The following FRMD3 variants were observed in gnomAD, a reference collection of about 807,000 sequenced individuals.
FRMD3 encodes the protein FERM domain-containing protein 3.
FRMD3 carries 33 observed loss-of-function variants against 70.2 expected under a neutral mutation model. The observed-to-expected ratio is 0.47, with a 90% CI of 0.36 to 0.63. The LOEUF is 0.63. Among genes scored for constraint, FRMD3 ranks in the 20% least tolerant of loss-of-function variants. The pLI, the probability that FRMD3 is intolerant of heterozygous loss-of-function variation, is 0.00. For synonymous variants in FRMD3, 279 were observed against 255.9 expected, an observed-to-expected ratio of 1.09 and a Z score of -0.86; for missense variants, 632 against 711.4, an observed-to-expected ratio of 0.89 and a Z score of 1.27.
chr9:83,247,216 G>A lies in FRMD3; in HGVS notation c.*702C>T, dbSNP rs1832147399. On this transcript the variant is annotated 3_prime_UTR_variant, in exon 14 of 14. Transcript: ENST00000304195. ...GTTTTAGCAGCTTACTTACTATAGT[G>A]TCTTTCTACCCATTTTCTATCTCCT... 1 of 985,092 alleles carries A rather than the reference G, an allele frequency of 1.0e-6. No homozygotes were observed. The highest frequency in any genetic ancestry group is 1.2e-6 in the Non-Finnish European group (1 of 829,862). The allele number at this position is 985,092 out of a possible 1,614,324, so 61.0% of individuals were successfully genotyped here.
rs1367621035 is a variant in FRMD3, at chr9:83,310,923, T to C, written c.774-375A>G. Among the ~76,000 whole-genome samples the C allele has an allele frequency of 1.1e-4, 17 of 152,336 alleles. No homozygotes were observed. The East Asian group carries it at 3.3e-3, about 29-fold the overall frequency. On this transcript the variant is annotated intron_variant, in intron 8 of 13. Coordinates refer to ENST00000304195, the MANE Select transcript of FRMD3 (RefSeq NM_174938.6). Reference sequence around the variant, plus strand: ...TTAATGAAATGATGCGGATTCACAGTATCTGACTTTCTCCTCCTTCTGCAT... The same window carrying C: ...TTAATGAAATGATGCGGATTCACAGCATCTGACTTTCTCCTCCTTCTGCAT...
chr9:83,525,475 T>C (rs1245461209), intron 1 of FRMD3, among the ~76,000 whole-genome samples: 1 of 152,214 alleles, frequency 6.6e-6, no homozygotes, highest in Non-Finnish European at 1.5e-5. Context: ...ATCTGAGATA[T>C]AAATAAATAC....
Position 83,507,736 on chromosome 9 carries a change from A to ATATATATCTATCTATCTATC in FRMD3, c.147+30348_147+30349insGATAGATAGATAGATATATA, listed in dbSNP as rs1554713917. The stretch of plus-strand genomic sequence containing the variant: ...TATATATATATATATATATATATAT[A>ATATATATCTATCTATCTATC]TATCTTCTGGAATATTTCCTGAAGG... On this transcript the variant is annotated intron_variant, in intron 1 of 13. Coordinates refer to ENST00000304195, the MANE Select transcript of FRMD3 (RefSeq NM_174938.6). 6.8e-5 allele frequency among the ~76,000 whole-genome samples: 6 copies of ATATATATCTATCTATCTATC among 88,696 alleles called. 1 individual carries two copies. Among genetic ancestry groups the ATATATATCTATCTATCTATC allele is most frequent in the Non-Finnish European group, 1.4e-4 (6 of 42,252 alleles). The allele number at this position is 88,696 out of a possible 152,430, so 58.2% of individuals were successfully genotyped here.
chr9:83,311,946 T>A lies in FRMD3; in HGVS notation c.714A>T (p.Gly238=). 6.2e-7 allele frequency: 1 copy of A among 1,604,314 alleles called. No individual in the cohort carries two copies. The highest frequency in any genetic ancestry group is 8.5e-7 in the Non-Finnish European group (1 of 1,176,732). ...KDSTGTTTFL[G]FTAAGFVVFQ... ...AGACCACAAAGCCTGCAGCTGTGAA[T>A]CCTAAAAATGTTGTTGTGCCTGTTG... The change falls in exon 8 of 14, where the codon GGA becomes GGT. Residue 238 remains glycine, a synonymous_variant. Transcript: ENST00000304195.
chr9:83,406,452 A>C (rs1324935739), intron 1 of FRMD3, among the ~76,000 whole-genome samples: 4 of 152,234 alleles, frequency 2.6e-5, no homozygotes, highest in Non-Finnish European at 5.9e-5. Context: ...GTGCACACAA[A>C]GAAAAACAGC....
In FRMD3 at chr9:83,519,190, T is replaced by C. The variant is rs550090296; in HGVS notation, c.147+18895A>G. On this transcript the variant is annotated intron_variant, in intron 1 of 13. Transcript: ENST00000304195. Reference sequence around the variant, plus strand: ...TTCTGCATAGCAAAAGAAACTATCATCAGAGTGAACAGGCAACCTACAGAA... The same window carrying C: ...TTCTGCATAGCAAAAGAAACTATCACCAGAGTGAACAGGCAACCTACAGAA... 2.6e-5 allele frequency among the ~76,000 whole-genome samples: 4 copies of C among 152,096 alleles called. No individual in the cohort carries two copies. The East Asian group carries it at 7.7e-4, about 29-fold the overall frequency.
the FRMD3 span, among the ~76,000 whole-genome samples, chr9:83,575,902 T>C: frequency 1.6e-4 from 24 of 152,204 alleles, no homozygotes; most frequent in South Asian, 8.3e-4. Flanking sequence ...ACTAATTCTA[T>C]TGGGCCAGCA....
Position 83,246,853 on chromosome 9 carries a change from G to T in FRMD3, c.*1065C>A. The T allele has an allele frequency of 2.0e-6, 2 of 985,274 alleles. No homozygotes were observed. Among genetic ancestry groups the T allele is most frequent in the East Asian group, 2.3e-4 (2 of 8,806 alleles). The allele number at this position is 985,274 out of a possible 1,614,324, so 61.0% of individuals were successfully genotyped here. A position where few individuals can be genotyped will look rare whatever the true frequency, so the allele number is the denominator to read the frequency against. Reference sequence around the variant, plus strand: ...TGCACTGCTCTTCACATCATCGAACGCTGGCATCACCATCACTTTCATAAA... The same window carrying T: ...TGCACTGCTCTTCACATCATCGAACTCTGGCATCACCATCACTTTCATAAA... On this transcript the variant is annotated 3_prime_UTR_variant, in exon 14 of 14. Transcript: ENST00000304195.
chr9:83,467,643 C>T, intron 1 of FRMD3: 1 of 1,534,654 alleles, frequency 6.5e-7, no homozygotes, highest in East Asian at 2.4e-5. Flanking sequence ...AAGCAGGTCT[C>T]CTTGTGCCTT....
intron 13 of FRMD3, among the ~76,000 whole-genome samples, chr9:83,266,315 C>G (rs1017561594): frequency 6.6e-6 from 1 of 152,204 alleles, no homozygotes; most frequent in Non-Finnish European, 1.5e-5. Context: ...AAGTCAGTTT[C>G]ACACATGTGC....
chr9:83,490,798 T>TCTCTCTCTCA (rs752047493), intron 1 of FRMD3, among the ~76,000 whole-genome samples: 3 of 110,786 alleles, frequency 2.7e-5, no homozygotes, highest in Admixed American at 9.8e-5. Flanking sequence ...TCTCTCTCTC[T>TCTCTCTCTCA]CACACACACA....
intron 1 of FRMD3, among the ~76,000 whole-genome samples, chr9:83,440,354 T>A (rs533222657): frequency 6.6e-6 from 1 of 152,220 alleles, no homozygotes; most frequent in Admixed American, 6.5e-5. Context: ...GTAGTCCCTA[T>A]AATCCAATGT....
chr9:83,520,221 C>G (rs1034563600), intron 1 of FRMD3, among the ~76,000 whole-genome samples: 1 of 152,122 alleles, frequency 6.6e-6, no homozygotes, highest in East Asian at 1.9e-4. Flanking sequence ...AATTCCTTCC[C>G]CCCCTGGACT....
chr9:83,354,249 A>ATGCCCAT (rs1274384762), intron 3 of FRMD3, among the ~76,000 whole-genome samples: 1 of 150,056 alleles, frequency 6.7e-6, no homozygotes, highest in Non-Finnish European at 1.5e-5. Flanking sequence ...TATGGAATCA[A>ATGCCCAT]CCTAAGTGCC....
At chr9:83,555,944 TC>T in the FRMD3 span, among the ~76,000 whole-genome samples, 2 of 152,170 alleles carry the variant, frequency 1.3e-5, no homozygotes, top group Non-Finnish European at 2.9e-5. Flanking sequence ...CTAGGGAGGA[TC>T]CCCTGGCTCC....
At chr9:83,421,883 A>G (rs567999972) in intron 1 of FRMD3, among the ~76,000 whole-genome samples, 157 of 152,306 alleles carry the variant, frequency 1.0e-3, no homozygotes, top group Admixed American at 2.0e-3. Context: ...CAATTCACAC[A>G]TGCTAATGGA....
At chr9:83,477,215 G>C (rs117696586) in intron 1 of FRMD3, among the ~76,000 whole-genome samples, 1 of 152,144 alleles carries the variant, frequency 6.6e-6, no homozygotes, top group South Asian at 2.1e-4. Context: ...GAAAAGCACC[G>C]GCCCAGTGTA....
At chr9:83,550,307 C>G in the FRMD3 span, among the ~76,000 whole-genome samples, 1 of 151,966 alleles carries the variant, frequency 6.6e-6, no homozygotes, top group Non-Finnish European at 1.5e-5. Flanking sequence ...TGGTCTATGT[C>G]CCTGTTTTTA....
At chr9:83,444,093 TG>T (rs1827387872) in intron 1 of FRMD3, among the ~76,000 whole-genome samples, 1 of 152,262 alleles carries the variant, frequency 6.6e-6, no homozygotes, top group African/African-American at 2.4e-5. Flanking sequence ...CACTTAGTGC[TG>T]GTGATGTTCC....
Sources: allele counts gnomAD v4.1 joint callset (sites outside exome capture counted in the v4.1 genomes callset), GRCh38; gene constraint gnomAD v4.1.1; transcripts MANE v1.5; gene names NCBI Gene and HGNC (gene_info 2026-07-23, HGNC 2026-07-21).